The following TTC6 variants were observed in gnomAD, a reference collection of about 807,000 sequenced individuals.
TTC6 encodes the protein tetratricopeptide repeat protein 6.
In TTC6, 172 loss-of-function variants were observed where a neutral mutation model predicts 210.4. The ratio of observed to expected loss-of-function variants is 0.82; its 90% CI spans 0.72 to 0.93. The LOEUF (loss-of-function observed/expected upper bound fraction) is 0.93. Ranked by LOEUF, TTC6 falls within the 40% of genes least tolerant of loss-of-function variation. TTC6 has a pLI of 0.00. For missense variants in TTC6, 2,414 were observed against 2,318.1 expected (o/e 1.04, Z -0.85); for synonymous variants, 804 against 819.6 (o/e 0.98, Z 0.32).
chr14:37,814,983 A>G (rs2096138108), intron 25 of TTC6, among the ~76,000 whole-genome samples: 1 of 152,264 alleles, frequency 6.6e-6, no homozygotes, highest in East Asian at 1.9e-4. Flanking sequence ...AAGCATTTTG[A>G]CTGGGCTTGT....
chr14:37,606,141 A>G (rs1449554182), intron 1 of TTC6, among the ~76,000 whole-genome samples: 1 of 152,128 alleles, frequency 6.6e-6, no homozygotes, highest in Non-Finnish European at 1.5e-5. Flanking sequence ...CAGGTGCTTG[A>G]AGAAGTCTGG....
At chr14:37,746,835 A>T (rs917233184) in intron 10 of TTC6, among the ~76,000 whole-genome samples, 1 of 152,164 alleles carries the variant, frequency 6.6e-6, no homozygotes, top group African/African-American at 2.4e-5. Flanking sequence ...CAGTTGGGGT[A>T]TCTGACAATT....
chr14:37,692,964 G>T (rs1028659205), intron 3 of TTC6, among the ~76,000 whole-genome samples: 4 of 152,056 alleles, frequency 2.6e-5, no homozygotes, highest in African/African-American at 9.7e-5. Context: ...AAAACTGAAA[G>T]CCTTTCCTCT....
intron 29 of TTC6, among the ~76,000 whole-genome samples, chr14:37,828,804 A>G (rs924778015): frequency 1.3e-5 from 2 of 151,920 alleles, no homozygotes; most frequent in Non-Finnish European, 2.9e-5. Flanking sequence ...TAGGAAGTCT[A>G]TGTTATTAAT....
In TTC6 at chr14:37,743,687, T is replaced by A. The variant is rs2095927736; in HGVS notation, c.2363+4532T>A. Among the ~76,000 whole-genome samples the A allele has an allele frequency of 2.6e-5, 4 of 152,212 alleles. No homozygotes were observed. The South Asian group carries it at 8.3e-4, about 32-fold the overall frequency. ...TAATGAGAAGGGATTTGTGGGTGGT[T>A]CAGGAGTTAGTCTGGGATATGTATA... On this transcript the variant is annotated intron_variant, in intron 10 of 30. Transcript: ENST00000553443.
chr14:37,598,718 A>G lies in TTC6; in HGVS notation c.-235+2710A>G, dbSNP rs761275180. ...CTCTCGCGGCGACAGGGTCCTTCCTATTTAGCAGGACCGCAGGGTTGGCAG... is the reference window on the plus strand; with the variant it reads ...CTCTCGCGGCGACAGGGTCCTTCCTGTTTAGCAGGACCGCAGGGTTGGCAG... On this transcript the variant is annotated intron_variant, in intron 1 of 2. Coordinates refer to the TTC6 transcript ENST00000556845. This position sits in a 1 kb window ranked among gnomAD's most constrained non-coding sequence, Gnocchi z 4.9. 6.6e-6 allele frequency among the ~76,000 whole-genome samples: 1 copy of G among 152,004 alleles called. No homozygotes were observed. Among genetic ancestry groups the G allele is most frequent in the Non-Finnish European group, 1.5e-5 (1 of 67,992 alleles).
At chr14:37,837,091 C>A (rs2096199585) in intron 29 of TTC6, among the ~76,000 whole-genome samples, 1 of 152,132 alleles carries the variant, frequency 6.6e-6, no homozygotes, top group Admixed American at 6.5e-5. Flanking sequence ...CTAACTGCTT[C>A]TTAGTTAATA....
chr14:37,803,797 T>C (rs2096112348), intron 20 of TTC6, among the ~76,000 whole-genome samples: 2 of 152,188 alleles, frequency 1.3e-5, no homozygotes, highest in Non-Finnish European at 2.9e-5. Flanking sequence ...GTAATCCACT[T>C]TTTCTAGGCA....
At chr14:37,832,390 T>C (rs919057392) in intron 29 of TTC6, among the ~76,000 whole-genome samples, 3 of 150,358 alleles carry the variant, frequency 2.0e-5, no homozygotes, top group Non-Finnish European at 4.4e-5. Context: ...GCTTTTCTAG[T>C]TTTATGAGGT....
At chr14:37,727,142 AAC>A (rs768497479) in intron 7 of TTC6, among the ~76,000 whole-genome samples, 3 of 151,972 alleles carry the variant, frequency 2.0e-5, no homozygotes, top group Non-Finnish European at 4.4e-5. Flanking sequence ...CAACCAGAAA[AAC>A]ACATGAGTTT....
chr14:37,807,557 G>A, intron 23 of TTC6, 97 bp downstream of exon 25: 1 of 1,085,314 alleles, frequency 9.2e-7, no homozygotes, highest in African/African-American at 1.6e-5. Context: ...TATGTGGTTG[G>A]GAATCACTAT....
intron 28 of TTC6, 35 bp from the exon 31 acceptor site, chr14:37,827,161 C>T: frequency 1.9e-6 from 3 of 1,552,236 alleles, no homozygotes; most frequent in East Asian, 2.3e-5. Context: ...AAATACTATT[C>T]CCCAATGTTA....
chr14:37,629,073 TG>T (rs1342462533), intron 1 of TTC6, among the ~76,000 whole-genome samples: 9 of 152,222 alleles, frequency 5.9e-5, no homozygotes, highest in Admixed American at 3.3e-4. Flanking sequence ...TGCTTAGGAT[TG>T]TCTTGGCTAT....
intron 1 of TTC6, among the ~76,000 whole-genome samples, chr14:37,634,271 C>T (rs2095675655): frequency 6.6e-6 from 1 of 151,300 alleles, no homozygotes; most frequent in Non-Finnish European, 1.5e-5. Flanking sequence ...TAGAAAGTCT[C>T]AGTAAAGAAA....
chr14:37,750,845 G>T (rs1157439065), intron 12 of TTC6, among the ~76,000 whole-genome samples: 2 of 152,086 alleles, frequency 1.3e-5, no homozygotes, highest in Admixed American at 6.5e-5. Flanking sequence ...AGCCATGATT[G>T]TGCCACTGCA....
At chr14:37,634,738 A>G (rs558957822) in intron 1 of TTC6, among the ~76,000 whole-genome samples, 2 of 152,328 alleles carry the variant, frequency 1.3e-5, no homozygotes, top group South Asian at 2.1e-4. Flanking sequence ...GTGAGAGAGA[A>G]ACAATATGTT....
chr14:37,833,869 C>A (rs1265349275), intron 29 of TTC6, among the ~76,000 whole-genome samples: 1 of 152,150 alleles, frequency 6.6e-6, no homozygotes, highest in East Asian at 1.9e-4. Flanking sequence ...TCATGTAGGA[C>A]TGGTCTCATG....
chr14:37,754,186 G>C (rs914746357), intron 14 of TTC6, among the ~76,000 whole-genome samples: 5 of 151,996 alleles, frequency 3.3e-5, no homozygotes, highest in African/African-American at 1.2e-4. Flanking sequence ...CTGTCATCTA[G>C]GTTTTAAGGC....
At chr14:37,622,192 A>G in exon 1 of TTC6, 1 of 1,535,564 alleles carries the variant, frequency 6.5e-7, no homozygotes, top group South Asian at 1.2e-5. Context: ...TTGGCCTCCA[A>G]GCCGGCTGTA....
Sources: allele counts gnomAD v4.1 joint callset (sites outside exome capture counted in the v4.1 genomes callset), GRCh38; gene constraint gnomAD v4.1.1; non-coding constraint Gnocchi (gnomAD v3.1); transcripts MANE v1.5; gene names NCBI Gene and HGNC (gene_info 2026-07-23, HGNC 2026-07-21).